The following TF variants were observed in gnomAD, a reference collection of about 807,000 sequenced individuals.
TF encodes the protein transferrin, also known as serotransferrin.
In TF, 55 loss-of-function variants were observed where a neutral mutation model predicts 82.4. That is an observed-to-expected ratio of 0.67 (90% confidence interval 0.54 to 0.84). The LOEUF is 0.84. TF is among the 40% of genes least tolerant of loss of function. The pLI, the probability that TF is intolerant of heterozygous loss-of-function variation, is 0.00. For synonymous variants in TF, 332 were observed against 332.6 expected, an observed-to-expected ratio of 1.00 and a Z score of 0.02; for missense variants, 737 against 868.4, an observed-to-expected ratio of 0.85 and a Z score of 1.90.
chr3:133,722,840 T>A, the TF span, among the ~76,000 whole-genome samples: 1 of 152,232 alleles, frequency 6.6e-6, no homozygotes, highest in Non-Finnish European at 1.5e-5. Flanking sequence ...ATTCTTAGTT[T>A]GATTTATTTA....
chr3:133,748,180 A>G (rs1000105133), intron 1 of TF: 53 of 582,214 alleles, frequency 9.1e-5, no homozygotes, highest in Non-Finnish European at 1.6e-4. Flanking sequence ...CCATGCCTGC[A>G]CCCCTCTGGC....
At chr3:133,729,028 G>A in the TF span, among the ~76,000 whole-genome samples, 1 of 152,182 alleles carries the variant, frequency 6.6e-6, no homozygotes, top group Non-Finnish European at 1.5e-5. Flanking sequence ...TTGTCTCAGA[G>A]GAGTACCCGG....
chr3:133,678,862 T>TAG, the TF span, among the ~76,000 whole-genome samples: 1 of 144,938 alleles, frequency 6.9e-6, no homozygotes, highest in Non-Finnish European at 1.5e-5. Flanking sequence ...TTTTGTTTTG[T>TAG]TTTGTTTTGT....
the TF span, among the ~76,000 whole-genome samples, chr3:133,676,411 G>A: frequency 1.3e-5 from 2 of 152,220 alleles, no homozygotes; most frequent in African/African-American, 4.8e-5. Context: ...GGCTCTTGGC[G>A]GGGTGATTTG....
At chr3:133,749,034 G>T (rs2107908115) in intron 2 of TF, among the ~76,000 whole-genome samples, 1 of 152,274 alleles carries the variant, frequency 6.6e-6, no homozygotes, top group East Asian at 1.9e-4. Flanking sequence ...GGTGGTGCAT[G>T]CCTGTAATCC....
At chr3:133,765,811 T>G (rs1191265406) in intron 11 of TF, among the ~76,000 whole-genome samples, 2 of 152,248 alleles carry the variant, frequency 1.3e-5, no homozygotes, top group Non-Finnish European at 2.9e-5. Context: ...ATTTTCCATT[T>G]TGCATATTTA....
At chr3:133,718,901 G>A in the TF span, among the ~76,000 whole-genome samples, 1 of 152,146 alleles carries the variant, frequency 6.6e-6, no homozygotes, top group East Asian at 1.9e-4. Flanking sequence ...CTATGAAGGG[G>A]CATGAAGGAA....
the TF span, among the ~76,000 whole-genome samples, chr3:133,734,470 T>C: frequency 4.6e-5 from 7 of 152,166 alleles, no homozygotes; most frequent in Admixed American, 2.0e-4. Flanking sequence ...ATTGGCCACA[T>C]GTGCAACAGT....
the TF span, among the ~76,000 whole-genome samples, chr3:133,702,711 T>G: frequency 6.6e-6 from 1 of 152,056 alleles, no homozygotes; most frequent in South Asian, 2.1e-4. Context: ...GCAGAACTAT[T>G]TTTGTGATTA....
In TF at chr3:133,746,418, C is replaced by T. The variant is rs751537278; in HGVS notation, c.-23C>T. ...ACAGAAGCGAGTCCGACTGTGCTCG[C>T]TGCTCAGCGCCGCACCCGGAAGATG... On this transcript the variant is annotated 5_prime_UTR_variant, in exon 1 of 17. Transcript: ENST00000402696. The T allele has an allele frequency of 3.8e-6, 6 of 1,593,174 alleles. No homozygotes were observed. In the South Asian group the frequency reaches 6.8e-5, roughly 18 times the overall value.
the TF span, among the ~76,000 whole-genome samples, chr3:133,727,489 T>C: frequency 8.6e-6 from 1 of 115,948 alleles, no homozygotes; most frequent in Non-Finnish European, 1.8e-5. Flanking sequence ...CCTGCCTTTT[T>C]TTGTTTTCCA....
At chr3:133,748,313 G>A in intron 1 of TF, 99 bp from the exon 2 acceptor site, 1 of 1,406,010 alleles carries the variant, frequency 7.1e-7, no homozygotes, top group Non-Finnish European at 1.0e-6. Flanking sequence ...AGGAGGACAG[G>A]ACTGAGGGGA....
the TF span, among the ~76,000 whole-genome samples, chr3:133,674,558 C>G: frequency 6.6e-6 from 1 of 152,178 alleles, no homozygotes; most frequent in African/African-American, 2.4e-5. Flanking sequence ...TAAAGCCGGA[C>G]GAGGCGCGAG....
intron 10 of TF, among the ~76,000 whole-genome samples, 164 bp downstream of exon 10, chr3:133,764,439 A>G (rs1158307619): frequency 1.3e-5 from 2 of 152,216 alleles, no homozygotes; most frequent in Non-Finnish European, 2.9e-5. Flanking sequence ...AAATCCCCAC[A>G]GTCATCTTGA....
At chr3:133,755,285 T>G (rs1306200444) in intron 4 of TF, 78 bp from the exon 5 acceptor site, 1 of 1,604,100 alleles carries the variant, frequency 6.2e-7, no homozygotes, top group African/African-American at 1.3e-5. Flanking sequence ...TGTTCCCTGA[T>G]GGGCCTGGGT....
At chr3:133,754,169 C>T (rs1235017570) in intron 3 of TF, 9 of 431,588 alleles carry the variant, frequency 2.1e-5, no homozygotes, top group Admixed American at 3.5e-5. Flanking sequence ...GCCTCTGTTA[C>T]CACAGCTCCA....
In TF at chr3:133,764,098, G is replaced by C. The variant is rs1441251146; in HGVS notation, c.1204-84G>C. On this transcript the variant is annotated intron_variant, in intron 9 of 16. Coordinates refer to ENST00000402696, the MANE Select transcript of TF (RefSeq NM_001063.4). ...TCCCTGGCATTCATGTGCTGGAAAG[G>C]CTGCTTCAAGGAAACAGCTGGAAAA... The C allele has an allele frequency of 5.9e-6, 7 of 1,192,052 alleles. No homozygotes were observed. In the East Asian group the frequency reaches 1.4e-4, roughly 24 times the overall value. 73.8% of individuals were successfully genotyped at this position (1,192,052 alleles called of 1,614,324 possible).
the TF span, among the ~76,000 whole-genome samples, chr3:133,709,335 AG>A: frequency 6.6e-6 from 1 of 152,176 alleles, no homozygotes; most frequent in African/African-American, 2.4e-5. Flanking sequence ...TCCAGCCAGA[AG>A]GGGGACAGGA....
In TF at chr3:133,756,928, C is replaced by T; in HGVS notation, c.789C>T (p.Ala263=). ...PVDEYKDCHL[A]QVPSHTVVAR... ...ATGAATACAAGGACTGCCACTTGGC[C>T]CAGGTCCCTTCTCATACCGTCGTGG... The change falls in exon 7 of 17, where the codon GCC becomes GCT. Residue 263 remains alanine (A), a synonymous_variant. Coordinates refer to ENST00000402696, the MANE Select transcript of TF (RefSeq NM_001063.4). The T allele has an allele frequency of 6.2e-7, 1 of 1,614,204 alleles. No homozygotes were observed. Among genetic ancestry groups the T allele is most frequent in the Non-Finnish European group, 8.5e-7 (1 of 1,180,034 alleles).
Sources: gnomAD v4.1 joint callset for allele counts (sites outside exome capture counted in the v4.1 genomes callset) on GRCh38, gnomAD v4.1.1 for gene constraint, MANE v1.5 for transcripts, NCBI Gene and HGNC (gene_info 2026-07-23, HGNC 2026-07-21) for gene names.